BRD10: variants seen among roughly 807,000 people sequenced by gnomAD.
BRD10 encodes bromodomain containing 10.
At chr9:5,972,352 C>A in the BRD10 span, among the ~76,000 whole-genome samples, 14 of 152,130 alleles carry the variant, frequency 9.2e-5, no homozygotes, top group Admixed American at 8.5e-4. Flanking sequence ...TTAAAAAGAA[C>A]TTCTAGAAAT....
chr9:5,887,672 G>A, the BRD10 span, among the ~76,000 whole-genome samples: 1 of 152,176 alleles, frequency 6.6e-6, no homozygotes, highest in Non-Finnish European at 1.5e-5. Flanking sequence ...GGTTGGAGTT[G>A]CTCTCTCCAA....
chr9:5,910,579 C>A, the BRD10 span: 2 of 152,192 alleles, frequency 1.3e-5, no homozygotes, highest in Admixed American at 6.6e-5. Flanking sequence ...TGGCTTGAAC[C>A]CTACATCCCT....
the BRD10 span, chr9:5,920,635 CTGGAG>C: frequency 9.3e-6 from 15 of 1,613,880 alleles, no homozygotes; most frequent in Admixed American, 5.0e-5. Context: ...GTGAATGGAA[CTGGAG>C]TGAAGTCCGA....
chr9:6,003,087 T>TCCC, the BRD10 span, among the ~76,000 whole-genome samples: 15 of 152,180 alleles, frequency 9.9e-5, no homozygotes, highest in Admixed American at 8.5e-4. Context: ...AGCCTTTTTA[T>TCCC]CCCATACATG....
the BRD10 span, among the ~76,000 whole-genome samples, chr9:5,933,391 T>C: frequency 1.3e-5 from 2 of 152,212 alleles, no homozygotes; most frequent in Non-Finnish European, 2.9e-5. Flanking sequence ...GAATTTCAAG[T>C]GTACATTATG....
the BRD10 span, among the ~76,000 whole-genome samples, chr9:5,998,953 C>G: frequency 6.6e-6 from 1 of 151,926 alleles, no homozygotes; most frequent in African/African-American, 2.4e-5. Context: ...TTTTTAAATA[C>G]CTTCTACTAG....
At chr9:5,981,034 G>C in the BRD10 span, among the ~76,000 whole-genome samples, 1 of 152,074 alleles carries the variant, frequency 6.6e-6, no homozygotes, top group Non-Finnish European at 1.5e-5. Flanking sequence ...TATACTCTTA[G>C]CTAGTCTCTG....
the BRD10 span, chr9:5,913,811 A>C: frequency 4.5e-6 from 1 of 221,546 alleles, no homozygotes; most frequent in East Asian, 1.5e-4. Context: ...GACTATTAAA[A>C]AGAAAATCAA....
chr9:5,958,105 G>A, the BRD10 span, among the ~76,000 whole-genome samples: 1 of 152,084 alleles, frequency 6.6e-6, no homozygotes, highest in South Asian at 2.1e-4. Flanking sequence ...CCTGTACCTG[G>A]AAAATGCATA....
the BRD10 span, among the ~76,000 whole-genome samples, chr9:5,881,833 TC>T: frequency 6.6e-6 from 1 of 152,122 alleles, no homozygotes; most frequent in Non-Finnish European, 1.5e-5. Context: ...TCCTAGGAAG[TC>T]ACTAGAGATG....
the BRD10 span, among the ~76,000 whole-genome samples, chr9:5,958,056 T>C: frequency 6.6e-6 from 1 of 152,104 alleles, no homozygotes; most frequent in East Asian, 1.9e-4. Context: ...ATACACAGAA[T>C]TTCAATACCA....
the BRD10 span, among the ~76,000 whole-genome samples, chr9:5,973,875 C>T: frequency 6.6e-6 from 1 of 152,118 alleles, no homozygotes; most frequent in Non-Finnish European, 1.5e-5. Context: ...GAGCAAGACC[C>T]TGTCTCAAAA....
the BRD10 span, among the ~76,000 whole-genome samples, chr9:5,949,296 T>C: frequency 6.6e-6 from 1 of 152,174 alleles, no homozygotes; most frequent in Non-Finnish European, 1.5e-5. Context: ...AAGTCAGAGA[T>C]TGCAGTAAGC....
At chr9:5,910,247 C>T in the BRD10 span, 1 of 152,170 alleles carries the variant, frequency 6.6e-6, no homozygotes, top group African/African-American at 2.4e-5. Context: ...TAAAAATCAT[C>T]TTGTCTCATC....
the BRD10 span, among the ~76,000 whole-genome samples, chr9:5,914,914 G>A: frequency 3.9e-5 from 6 of 152,070 alleles, no homozygotes; most frequent in South Asian, 4.2e-4. Flanking sequence ...GCTATGAACT[G>A]TTACAAAAAA....
At chr9:5,949,755 T>G in the BRD10 span, among the ~76,000 whole-genome samples, 1 of 152,166 alleles carries the variant, frequency 6.6e-6, no homozygotes, top group African/African-American at 2.4e-5. Flanking sequence ...TTAAAAATAC[T>G]TCCTGTAACT....
the BRD10 span, among the ~76,000 whole-genome samples, chr9:5,934,641 C>T: frequency 6.6e-6 from 1 of 152,064 alleles, no homozygotes; most frequent in South Asian, 2.1e-4. Flanking sequence ...AGTGGGATTA[C>T]AGACACGAGC....
the BRD10 span, among the ~76,000 whole-genome samples, chr9:5,961,452 GA>G: frequency 6.6e-6 from 1 of 151,942 alleles, no homozygotes; most frequent in African/African-American, 2.4e-5. Flanking sequence ...CAAATGATCT[GA>G]ATTTTTTTTG....
the BRD10 span, among the ~76,000 whole-genome samples, chr9:5,938,088 G>A: frequency 3.2e-3 from 488 of 152,220 alleles, 5 homozygotes; most frequent in African/African-American, 7.2e-3. Context: ...AATGTCTATG[G>A]TGTCTGGTGA....
Sources: gnomAD v4.1 joint callset for allele counts (sites outside exome capture counted in the v4.1 genomes callset) on GRCh38, gnomAD v4.1.1 for gene constraint, MANE v1.5 for transcripts, NCBI Gene and HGNC (gene_info 2026-07-23, HGNC 2026-07-21) for gene names.